RYR2: variants seen among roughly 807,000 people sequenced by gnomAD.
The protein encoded by RYR2 is cardiac muscle ryanodine receptor-calcium release channel.
A neutral mutation model predicts 601.1 loss-of-function variants in RYR2; 227 were observed. The ratio of observed to expected loss-of-function variants is 0.38; its 90% CI spans 0.34 to 0.42. The LOEUF (loss-of-function observed/expected upper bound fraction) is 0.42, where lower values mean the gene tolerates loss of function less well. Among genes scored for constraint, RYR2 ranks in the 10% least tolerant of loss-of-function variants. RYR2 has a pLI of 1.00. For missense variants in RYR2, 4,646 were observed against 6,156.5 expected, an observed-to-expected ratio of 0.75 and a Z score of 8.21; for synonymous variants, 2,223 against 2,175.1, an observed-to-expected ratio of 1.02 and a Z score of -0.61.
At chr1:237,331,330 C>T (rs1696689925) in intron 3 of RYR2, among the ~76,000 whole-genome samples, 1 of 151,994 alleles carries the variant, frequency 6.6e-6, no homozygotes, top group East Asian at 1.9e-4. Flanking sequence ...TTGTCATTAA[C>T]CTTTATTTCA....
intron 33 of RYR2, 130 bp from the exon 34 acceptor site, chr1:237,595,368 A>G (rs970481614): frequency 7.7e-6 from 8 of 1,035,700 alleles, no homozygotes; most frequent in Non-Finnish European, 1.1e-5. Flanking sequence ...AATCGGGCCT[A>G]TTGTGCACCT....
At chr1:237,164,727 A>G (rs147785390) in intron 1 of RYR2, among the ~76,000 whole-genome samples, 292 of 152,244 alleles carry the variant, frequency 1.9e-3, no homozygotes, top group African/African-American at 6.7e-3. Context: ...TTTGATAGAC[A>G]TAGGGTTTCT....
intron 12 of RYR2, among the ~76,000 whole-genome samples, chr1:237,427,108 G>C (rs1706252930): frequency 1.3e-5 from 2 of 152,168 alleles, no homozygotes; most frequent in East Asian, 1.9e-4. Context: ...TGATGGAAGA[G>C]AGAAAAGTTG....
intron 80 of RYR2, chr1:237,743,702 A>G (rs535606065): frequency 4.2e-6 from 2 of 475,010 alleles, no homozygotes; most frequent in African/African-American, 2.0e-5. Context: ...TAGACCCAAC[A>G]TCTTGGATTC....
At chr1:237,298,221 A>G (rs1693002686) in intron 2 of RYR2, among the ~76,000 whole-genome samples, 1 of 152,114 alleles carries the variant, frequency 6.6e-6, no homozygotes, top group South Asian at 2.1e-4. Flanking sequence ...CAGCTCTCCC[A>G]TCACCTGGAT....
At chr1:237,767,136 G>A (rs1333660288) in intron 84 of RYR2, among the ~76,000 whole-genome samples, 2 of 152,132 alleles carry the variant, frequency 1.3e-5, no homozygotes, top group Admixed American at 1.3e-4. Context: ...ATGATGAAAC[G>A]AAGGCTCAGA....
rs140809913 is a variant in RYR2, at chr1:237,362,071, C to T, written c.295-2287C>T. Reference sequence around the variant, plus strand: ...AATAGCAATTTCTCTTCCTGGCTTCCATGTTAATGTGGCATGTGCCCCCAG... The same window carrying T: ...AATAGCAATTTCTCTTCCTGGCTTCTATGTTAATGTGGCATGTGCCCCCAG... On this transcript the variant is annotated intron_variant, in intron 4 of 104. Coordinates refer to ENST00000366574, the MANE Select transcript of RYR2 (RefSeq NM_001035.3). Among the ~76,000 whole-genome samples the T allele has an allele frequency of 8.7e-3, 1,326 of 152,256 alleles. 19 individuals carry two copies. Among genetic ancestry groups the T allele is most frequent in the African/African-American group, 0.03 (1,256 of 41,540 alleles).
chr1:237,541,870 C>A (rs1669308503), intron 25 of RYR2, among the ~76,000 whole-genome samples: 1 of 151,940 alleles, frequency 6.6e-6, no homozygotes, highest in South Asian at 2.1e-4. Context: ...CAAGGACCGG[C>A]CATTTTCACT....
intron 1 of RYR2, among the ~76,000 whole-genome samples, chr1:237,123,538 G>A (rs1020806929): frequency 6.6e-6 from 1 of 151,922 alleles, no homozygotes; most frequent in African/African-American, 2.4e-5. Flanking sequence ...AGTGAGCTAC[G>A]ACTGTGCCAC....
In RYR2 at chr1:237,673,628, TG is replaced by T. The variant is rs1685145952; in HGVS notation, c.8591-467del. On this transcript the variant is annotated intron_variant, in intron 58 of 104. Coordinates refer to ENST00000366574, the MANE Select transcript of RYR2 (RefSeq NM_001035.3). ...TGTGACTATGAAGTACTCTCTGATC[TG>T]AGAGATATAATACAAATTCCATATT... Among the ~76,000 whole-genome samples the T allele has an allele frequency of 2.0e-5, 3 of 152,224 alleles. No homozygotes were observed. In the South Asian group the frequency reaches 6.2e-4, roughly 31 times the overall value.
At chr1:237,281,240 C>T (rs906292560) in intron 2 of RYR2, among the ~76,000 whole-genome samples, 51 of 152,112 alleles carry the variant, frequency 3.4e-4, no homozygotes, top group African/African-American at 1.2e-3. Context: ...AATTAAACTC[C>T]AGTGAGGAAT....
In RYR2 at chr1:237,598,708, G is replaced by T. The variant is rs536848839; in HGVS notation, c.4596+3051G>T. Among the ~76,000 whole-genome samples, 161 of 152,136 alleles carry T rather than the reference G, an allele frequency of 1.1e-3. 1 individual carries two copies. The highest frequency in any genetic ancestry group is 7.9e-4 in the Non-Finnish European group (54 of 67,954). On this transcript the variant is annotated intron_variant, in intron 34 of 104. Coordinates refer to ENST00000366574, the MANE Select transcript of RYR2 (RefSeq NM_001035.3). ...AGTATTAAATGCCTACATTTAAGAA[G>T]TAAAAAATAAACCACCTAATATTGC...
At chr1:237,761,071 C>A in intron 84 of RYR2, 43 bp downstream of exon 84, 1 of 1,115,512 alleles carries the variant, frequency 9.0e-7, no homozygotes, top group Non-Finnish European at 1.3e-6. Flanking sequence ...TCTCCCTTCC[C>A]TCCCTGAAAC....
At chr1:237,266,295 C>T (rs1290782000) in intron 1 of RYR2, among the ~76,000 whole-genome samples, 1 of 151,746 alleles carries the variant, frequency 6.6e-6, no homozygotes, top group African/African-American at 2.4e-5. Context: ...CAGTATTTGG[C>T]AGTGTTGGTC....
chr1:237,376,198 G>T (rs1397618374), intron 7 of RYR2, among the ~76,000 whole-genome samples: 1 of 152,168 alleles, frequency 6.6e-6, no homozygotes, highest in Admixed American at 6.5e-5. Context: ...AAAGAATTCT[G>T]CCAGGTGACA....
chr1:237,817,473 A>G (rs1181799630), intron 100 of RYR2, among the ~76,000 whole-genome samples: 1 of 152,210 alleles, frequency 6.6e-6, no homozygotes, highest in Non-Finnish European at 1.5e-5. Context: ...CACTGGCAAC[A>G]GAGTAATAAC....
At position 237,614,685 on chromosome 1, in the gene RYR2, G is replaced by A. The variant is rs1226782967; in HGVS notation, c.5557G>A (p.Glu1853Lys). 3 of 1,614,034 alleles carry A rather than the reference G, an allele frequency of 1.9e-6. No individual in the cohort carries two copies. The highest frequency in any genetic ancestry group is 2.5e-6 in the Non-Finnish European group (3 of 1,179,906). Residue 1853 changes from glutamate (E) to lysine (K), a missense_variant, in exon 37 of 105, where the codon GAA becomes AAA. Physicochemically the swap from Glu to Lys is moderately conservative, Grantham distance 56. Coordinates refer to ENST00000366574, the MANE Select transcript of RYR2 (RefSeq NM_001035.3). The surrounding 1 kb of genome is among the most constrained non-coding windows in gnomAD (Gnocchi z 4.3). ...GTTGATTGAGCCCAGTGTGTTTAAA[G>A]AAGCTGCCACTCCGGAGGAGGAGAG... ...LQLIEPSVFK[E>K]AATPEEESDT...
At chr1:237,598,338 G>A (rs540617786) in intron 34 of RYR2, among the ~76,000 whole-genome samples, 5 of 152,324 alleles carry the variant, frequency 3.3e-5, no homozygotes, top group South Asian at 4.1e-4. Context: ...AGAACATTCT[G>A]TGCAACAGAT....
At chr1:237,268,866 G>A (rs1401084395) in intron 1 of RYR2, among the ~76,000 whole-genome samples, 1 of 134,198 alleles carries the variant, frequency 7.5e-6, no homozygotes, top group Non-Finnish European at 1.5e-5. Flanking sequence ...AACCCAGGAG[G>A]CAGAGGTTAC....
Sources: gnomAD v4.1 joint callset for allele counts (sites outside exome capture counted in the v4.1 genomes callset) on GRCh38, gnomAD v4.1.1 for gene constraint, Gnocchi (gnomAD v3.1) non-coding constraint, MANE v1.5 for transcripts, NCBI Gene and HGNC (gene_info 2026-07-23, HGNC 2026-07-21) for gene names.